Variants in GLI3 observed in about 807,000 individuals in gnomAD.
GLI3 encodes transcription activator GLI3.
A neutral mutation model predicts 100.8 loss-of-function variants in GLI3; 20 were observed. That is an observed-to-expected ratio of 0.20 (90% confidence interval 0.14 to 0.29). The LOEUF (loss-of-function observed/expected upper bound fraction) is 0.29. Ranked by LOEUF, GLI3 falls within the 10% of genes least tolerant of loss-of-function variation. The pLI, the probability that GLI3 is intolerant of heterozygous loss-of-function variation, is 1.00. For synonymous variants in GLI3, 938 were observed against 860.5 expected (o/e 1.09, Z -1.58); for missense variants, 2,040 against 2,128.5 (o/e 0.96, Z 0.82).
chr7:42,070,666 G>T (rs1025106374), intron 4 of GLI3, among the ~76,000 whole-genome samples: 2 of 152,116 alleles, frequency 1.3e-5, no homozygotes, highest in African/African-American at 4.8e-5. Context: ...TTAGCCTATA[G>T]TAAGTATTCA....
intron 2 of GLI3, among the ~76,000 whole-genome samples, chr7:42,149,303 C>G (rs1786799450): frequency 1.3e-5 from 2 of 152,188 alleles, no homozygotes; most frequent in Admixed American, 1.3e-4. Flanking sequence ...ATGTAAGAAA[C>G]AGCTTGAAGA....
chr7:42,226,916 C>T (rs1788592118), intron 1 of GLI3, among the ~76,000 whole-genome samples: 1 of 152,168 alleles, frequency 6.6e-6, no homozygotes, highest in African/African-American at 2.4e-5. Flanking sequence ...AAAGTCACTC[C>T]TGAGCTGGTC....
At chr7:42,092,962 C>T (rs1785258067) in intron 3 of GLI3, among the ~76,000 whole-genome samples, 1 of 151,726 alleles carries the variant, frequency 6.6e-6, no homozygotes, top group African/African-American at 2.4e-5. Context: ...TACAGACACC[C>T]GCCACCACGC....
At chr7:42,113,667 A>C (rs1451240947) in intron 3 of GLI3, 1 of 757,470 alleles carries the variant, frequency 1.3e-6, no homozygotes, top group Non-Finnish European at 2.3e-6. Context: ...ATGACTGTAC[A>C]GTTTGAAATA....
At chr7:42,015,744 C>T (rs926507960) in intron 10 of GLI3, among the ~76,000 whole-genome samples, 1 of 151,986 alleles carries the variant, frequency 6.6e-6, no homozygotes, top group Admixed American at 6.6e-5. Context: ...CACGCACACA[C>T]ACACACCCAC....
At chr7:41,975,176 T>C (rs1025073677) in intron 12 of GLI3, among the ~76,000 whole-genome samples, 1 of 152,218 alleles carries the variant, frequency 6.6e-6, no homozygotes, top group African/African-American at 2.4e-5. Flanking sequence ...CAGCCCTAAA[T>C]GAGCAGGACA....
intron 2 of GLI3, among the ~76,000 whole-genome samples, chr7:42,216,422 T>C (rs1583655004): frequency 6.6e-6 from 1 of 152,290 alleles, no homozygotes; most frequent in East Asian, 1.9e-4. Context: ...GTGGTGGATA[T>C]GTGACATACA....
chr7:41,965,462 G>A lies in GLI3; in HGVS notation c.3611C>T (p.Pro1204Leu), dbSNP rs543636524. The change falls in exon 15 of 15, where the codon CCC (proline) becomes CTC (leucine). Residue 1204 changes from proline (P) to leucine (L), a missense_variant. Coordinates refer to ENST00000395925, the MANE Select transcript of GLI3 (RefSeq NM_000168.6). ...GCCCCCAGCAGGCCCGCTCCTCAAG[G>A]GGTTCTGCGGGTGGACGACCATGCC... ...CNGMVVHPQNPLRSGPAGGYQ... is the reference protein window; with the variant it reads ...CNGMVVHPQNLLRSGPAGGYQ... 7.5e-6 allele frequency: 12 copies of A among 1,608,640 alleles called. No homozygotes were observed. The highest frequency in any genetic ancestry group is 9.3e-6 in the Non-Finnish European group (11 of 1,177,368).
At chr7:42,210,013 A>T (rs1203313373) in intron 2 of GLI3, among the ~76,000 whole-genome samples, 1 of 150,526 alleles carries the variant, frequency 6.6e-6, no homozygotes, top group East Asian at 1.9e-4. Context: ...AAAAAAAAAA[A>T]AGGGCATAGG....
chr7:42,195,132 C>T (rs1454410266), intron 2 of GLI3, among the ~76,000 whole-genome samples: 7 of 152,278 alleles, frequency 4.6e-5, no homozygotes, highest in African/African-American at 1.7e-4. Flanking sequence ...CCAGTCTGCA[C>T]TTGAGTTAAT....
At chr7:42,161,043 G>A (rs58817379) in intron 2 of GLI3, among the ~76,000 whole-genome samples, 1 of 152,138 alleles carries the variant, frequency 6.6e-6, no homozygotes, top group Non-Finnish European at 1.5e-5. Context: ...TTTCTACAGT[G>A]ACTTGAGACA....
At chr7:42,197,628 G>C (rs560003235) in intron 2 of GLI3, among the ~76,000 whole-genome samples, 1 of 152,316 alleles carries the variant, frequency 6.6e-6, no homozygotes, top group South Asian at 2.1e-4. Context: ...TACAGAGAAG[G>C]ATGGGGGCCT....
At chr7:42,113,580 A>G (rs1172424481) in intron 3 of GLI3, 4 of 1,048,346 alleles carry the variant, frequency 3.8e-6, no homozygotes, top group South Asian at 1.3e-5. Flanking sequence ...GTTGCCAAAA[A>G]AGACCAGGCC....
At chr7:42,014,249 T>C (rs2128726806) in intron 10 of GLI3, among the ~76,000 whole-genome samples, 1 of 152,280 alleles carries the variant, frequency 6.6e-6, no homozygotes, top group African/African-American at 2.4e-5. Flanking sequence ...AAAGTCAGAC[T>C]CCTAGTCTAG....
At chr7:42,188,763 C>T (rs1220596165) in intron 2 of GLI3, among the ~76,000 whole-genome samples, 1 of 152,094 alleles carries the variant, frequency 6.6e-6, no homozygotes, top group Non-Finnish European at 1.5e-5. Flanking sequence ...TATATGATTC[C>T]AAATATATGG....
upstream of GLI3, among the ~76,000 whole-genome samples, chr7:42,240,091 C>G (rs1011455995): frequency 1.3e-5 from 2 of 152,134 alleles, no homozygotes; most frequent in Admixed American, 6.5e-5. Context: ...CAAAGACACC[C>G]AGAAAGACAA....
chr7:42,253,113 G>T (rs568656185), intron 1 of GLI3, among the ~76,000 whole-genome samples: 1 of 152,324 alleles, frequency 6.6e-6, no homozygotes, highest in Non-Finnish European at 1.5e-5. Context: ...ACGCCTTGTA[G>T]CTAGCTGAGC....
chr7:42,201,557 G>T (rs562645648), intron 2 of GLI3, among the ~76,000 whole-genome samples: 1 of 152,276 alleles, frequency 6.6e-6, no homozygotes, highest in South Asian at 2.1e-4. Flanking sequence ...GCAAGGATGG[G>T]AACACATTCT....
intron 8 of GLI3, 43 bp from the exon 9 acceptor site, chr7:42,025,420 T>A (rs1382025027): frequency 2.1e-6 from 3 of 1,417,566 alleles, no homozygotes; most frequent in South Asian, 1.1e-5. Context: ...AAGATTTTCA[T>A]CAACAAGGAG....
Sources: gnomAD v4.1 joint callset for allele counts (sites outside exome capture counted in the v4.1 genomes callset) on GRCh38, gnomAD v4.1.1 for gene constraint, MANE v1.5 for transcripts, NCBI Gene and HGNC (gene_info 2026-07-23, HGNC 2026-07-21) for gene names.